The following SETX variants were observed in gnomAD, a reference collection of about 807,000 sequenced individuals.
SETX encodes senataxin.
A neutral mutation model predicts 227.2 loss-of-function variants in SETX; 90 were observed. The ratio of observed to expected loss-of-function variants is 0.40; its 90% CI spans 0.33 to 0.47. The LOEUF is 0.47. Ranked by LOEUF, SETX falls within the 20% of genes least tolerant of loss-of-function variation. The pLI is 0.91. For missense variants in SETX, 3,052 were observed against 3,181.5 expected (o/e 0.96, Z 0.98); for synonymous variants, 1,210 against 1,113.2 (o/e 1.09, Z -1.73).
Position 132,350,108 on chromosome 9 carries a change from T to C in SETX, c.-7-673A>G, listed in dbSNP as rs1030383755. Among the ~76,000 whole-genome samples the C allele has an allele frequency of 3.4e-5, 4 of 116,866 alleles. No homozygotes were observed. In the Admixed American group the frequency reaches 3.4e-4, roughly 10 times the overall value. 76.7% of individuals were successfully genotyped at this position (116,866 alleles called of 152,430 possible). ...TGGCTCATGCCTGTAAGCCCAGCAC[T>C]TTGGGAGGCCGACGTGGGCAGACTG... On this transcript the variant is annotated intron_variant, in intron 2 of 25. Transcript: ENST00000224140.
At chr9:132,284,887 T>G (rs558848042) in intron 18 of SETX, among the ~76,000 whole-genome samples, 73 of 151,880 alleles carry the variant, frequency 4.8e-4, no homozygotes, top group African/African-American at 9.2e-4. Context: ...TTTTGTTGTT[T>G]TTTTTTTTTG....
chr9:132,291,926 T>C (rs115455629), intron 15 of SETX, among the ~76,000 whole-genome samples: 2,156 of 152,298 alleles, frequency 0.014, 55 homozygotes, highest in African/African-American at 0.05. Context: ...AGTGTAATTA[T>C]CTTGGCTTAG....
chr9:132,317,585 G>T (rs1158993659), intron 10 of SETX, among the ~76,000 whole-genome samples: 1 of 151,580 alleles, frequency 6.6e-6, no homozygotes, highest in Non-Finnish European at 1.5e-5. Flanking sequence ...TTGTAAAAGT[G>T]CAACTCCAGC....
intron 15 of SETX, among the ~76,000 whole-genome samples, chr9:132,289,749 A>G (rs1844177003): frequency 6.6e-6 from 1 of 152,224 alleles, no homozygotes; most frequent in Non-Finnish European, 1.5e-5. Context: ...AAGATGATAG[A>G]AATTCTTGGA....
At chr9:132,284,340 T>A (rs1843714161) in intron 18 of SETX, among the ~76,000 whole-genome samples, 1 of 152,250 alleles carries the variant, frequency 6.6e-6, no homozygotes, top group African/African-American at 2.4e-5. Context: ...TAAAATCTGT[T>A]TAATCAAAAG....
At position 132,328,706 on chromosome 9, in the gene SETX, T is replaced by C; in HGVS notation, c.2892A>G (p.Lys964=). 1 of 1,613,858 alleles carries C rather than the reference T, an allele frequency of 6.2e-7. No homozygotes were observed. The highest frequency in any genetic ancestry group is 8.5e-7 in the Non-Finnish European group (1 of 1,179,882). The change falls in exon 10 of 26, where the codon AAA becomes AAG. Residue 964 remains lysine, a synonymous_variant. Coordinates refer to ENST00000224140, the MANE Select transcript of SETX (RefSeq NM_015046.7). ...CACTGGCTTGAGCTAGTAAAGATAA[T>C]TTGTGAAGGTCTCTGTCTATCTGAG... ...TDSQIDRDLH[K]LSLLAQASVI...
intron 1 of SETX, among the ~76,000 whole-genome samples, chr9:132,354,487 C>T (rs1458166115): frequency 8.0e-6 from 1 of 124,560 alleles, no homozygotes; most frequent in Middle Eastern, 4.0e-3. Flanking sequence ...CAGAGCGAGA[C>T]CCCGTCTCAA....
At position 132,326,397 on chromosome 9, in the gene SETX, G is replaced by A. The variant is rs777317374; in HGVS notation, c.5201C>T (p.Pro1734Leu). Residue 1734 changes from proline (P) to leucine (L), a missense_variant, in exon 10 of 26, where the codon CCT becomes CTT. Pro to Leu is a moderately conservative substitution (Grantham distance 98, BLOSUM62 -3). Coordinates refer to ENST00000224140, the MANE Select transcript of SETX (RefSeq NM_015046.7). ...SLCQSISRPV[P>L]VRFHNYGDYF... ...ATCTCCATAATTGTGAAATCTGACA[G>A]GCACAGGTCTTGAGATGGACTGACA... 3 of 1,613,990 alleles carry A rather than the reference G, an allele frequency of 1.9e-6. No homozygotes were observed. Among genetic ancestry groups the A allele is most frequent in the Non-Finnish European group, 2.5e-6 (3 of 1,179,966 alleles).
At chr9:132,335,948 T>A (rs947445863) in intron 6 of SETX, among the ~76,000 whole-genome samples, 2 of 152,058 alleles carry the variant, frequency 1.3e-5, no homozygotes, top group African/African-American at 4.8e-5. Context: ...AGGACCCTCA[T>A]AGGAACTACA....
chr9:132,310,018 T>C (rs1845563414), intron 11 of SETX, among the ~76,000 whole-genome samples: 1 of 152,192 alleles, frequency 6.6e-6, no homozygotes, highest in South Asian at 2.1e-4. Flanking sequence ...AGTCAGTATG[T>C]AAGTCAAAGT....
chr9:132,287,995 T>C (rs1225323410), intron 17 of SETX, among the ~76,000 whole-genome samples: 1 of 152,036 alleles, frequency 6.6e-6, no homozygotes, highest in African/African-American at 2.4e-5. Flanking sequence ...GCCAACATGG[T>C]GAAACCCCAT....
At chr9:132,334,290 AC>A (rs1285753518) in intron 7 of SETX, among the ~76,000 whole-genome samples, 2 of 152,190 alleles carry the variant, frequency 1.3e-5, no homozygotes, top group African/African-American at 4.8e-5. Context: ...TACTAAAAAT[AC>A]AAAAAAATTA....
rs1339725778 is a variant in SETX at position 132,311,746 on chromosome 9, A to G, written c.5374+11T>C. On this transcript the variant is annotated intron_variant, in intron 11 of 25. Coordinates refer to ENST00000224140, the MANE Select transcript of SETX (RefSeq NM_015046.7). Reference sequence around the variant, plus strand: ...TATCATATATTCCAAGTTGCGTAAGAAAAAACTTACCTGCAAACTCCCAGT... The same window carrying G: ...TATCATATATTCCAAGTTGCGTAAGGAAAAACTTACCTGCAAACTCCCAGT... 6.3e-7 allele frequency: 1 copy of G among 1,588,650 alleles called. No individual in the cohort carries two copies. Among genetic ancestry groups the G allele is most frequent in the Non-Finnish European group, 8.6e-7 (1 of 1,157,756 alleles).
At chr9:132,333,395 AAAG>A (rs200493802) in intron 7 of SETX, among the ~76,000 whole-genome samples, 2,668 of 41,552 alleles carry the variant, frequency 0.064, 286 homozygotes, top group African/African-American at 0.16. Flanking sequence ...AAAAAAAAAA[AAAG>A]AAAAAAAAAA....
intron 22 of SETX, 28 bp from the exon 23 acceptor site, chr9:132,275,448 G>A: frequency 1.9e-6 from 3 of 1,576,398 alleles, no homozygotes; most frequent in South Asian, 2.2e-5. Context: ...AGAAAACACA[G>A]TGTTATCAAA....
intron 6 of SETX, among the ~76,000 whole-genome samples, chr9:132,335,223 T>A (rs184359432): frequency 1.3e-5 from 2 of 151,416 alleles, no homozygotes; most frequent in East Asian, 2.0e-4. Flanking sequence ...ACCCCGTCTC[T>A]ACTAAAAATA....
upstream of SETX, chr9:132,355,088 CT>C (rs1482959537): frequency 5.3e-5 from 3 of 56,506 alleles, no homozygotes; most frequent in Non-Finnish European, 1.1e-4. Flanking sequence ...CCGCTGCTTT[CT>C]GGTTTTGGTG....
At chr9:132,313,838 AC>A (rs953893960) in intron 10 of SETX, among the ~76,000 whole-genome samples, 1 of 151,492 alleles carries the variant, frequency 6.6e-6, no homozygotes, top group African/African-American at 2.4e-5. Context: ...AAAAAAAAAA[AC>A]AATAAAAAGA....
intron 5 of SETX, among the ~76,000 whole-genome samples, chr9:132,340,246 A>G (rs1359908791): frequency 1.3e-5 from 2 of 152,002 alleles, no homozygotes; most frequent in African/African-American, 4.8e-5. Flanking sequence ...CATGTGCACA[A>G]TGTGTAGGTT....
Sources: gnomAD v4.1 joint callset for allele counts (sites outside exome capture counted in the v4.1 genomes callset) on GRCh38, gnomAD v4.1.1 for gene constraint, MANE v1.5 for transcripts, NCBI Gene and HGNC (gene_info 2026-07-23, HGNC 2026-07-21) for gene names.